Variants in CAMTA1 observed in about 807,000 individuals in gnomAD.
CAMTA1 encodes the protein calmodulin binding transcription activator 1.
CAMTA1 carries 27 observed loss-of-function variants against 170.9 expected under a neutral mutation model. That is an observed-to-expected ratio of 0.16 (90% CI 0.12 to 0.22). The LOEUF (loss-of-function observed/expected upper bound fraction) is 0.22, where lower values mean the gene tolerates loss of function less well. Among genes scored for constraint, CAMTA1 ranks in the 10% least tolerant of loss-of-function variants. The pLI is 1.00. For missense variants in CAMTA1, 1,619 were observed against 2,217.2 expected (o/e 0.73, Z 5.42); for synonymous variants, 833 against 891.5 (o/e 0.93, Z 1.17).
chr1:6,897,010 G>GC (rs1418466189), intron 3 of CAMTA1, among the ~76,000 whole-genome samples: 1 of 152,158 alleles, frequency 6.6e-6, no homozygotes, highest in Non-Finnish European at 1.5e-5. Context: ...TAGAGATAAA[G>GC]CCATGGAGCT....
intron 11 of CAMTA1, among the ~76,000 whole-genome samples, chr1:7,688,062 A>G (rs933521247): frequency 7.7e-6 from 1 of 129,642 alleles, no homozygotes; most frequent in Admixed American, 8.9e-5. Context: ...AGGCTAGAGT[A>G]TAGTGGCTCC....
At chr1:7,368,011 G>A (rs978742435) in intron 5 of CAMTA1, among the ~76,000 whole-genome samples, 1 of 151,330 alleles carries the variant, frequency 6.6e-6, no homozygotes. Context: ...CAGGCCCTGG[G>A]CACTCATGGT....
chr1:7,170,631 A>G (rs1056243827), intron 4 of CAMTA1, among the ~76,000 whole-genome samples: 3 of 152,202 alleles, frequency 2.0e-5, no homozygotes, highest in Admixed American at 1.3e-4. Context: ...ATGTCCCTGG[A>G]AAGGACATGA....
At chr1:7,596,793 A>C (rs2095403570) in intron 6 of CAMTA1, among the ~76,000 whole-genome samples, 1 of 152,238 alleles carries the variant, frequency 6.6e-6, no homozygotes, top group Non-Finnish European at 1.5e-5. Flanking sequence ...AGTGAGGGGC[A>C]GTGAGCCACT....
At chr1:7,599,323 T>G (rs994382201) in intron 6 of CAMTA1, among the ~76,000 whole-genome samples, 1 of 152,240 alleles carries the variant, frequency 6.6e-6, no homozygotes, top group Non-Finnish European at 1.5e-5. Context: ...ACCAGTACCA[T>G]GCTGTTTTGG....
intron 3 of CAMTA1, among the ~76,000 whole-genome samples, chr1:7,057,362 T>A (rs1388469010): frequency 2.0e-5 from 3 of 152,188 alleles, no homozygotes; most frequent in Non-Finnish European, 4.4e-5. Context: ...ACAGGGTTTT[T>A]AAAAAATCAA....
intron 4 of CAMTA1, among the ~76,000 whole-genome samples, chr1:7,200,752 T>A (rs903694199): frequency 6.6e-6 from 1 of 152,184 alleles, no homozygotes; most frequent in Non-Finnish European, 1.5e-5. Context: ...ATTGCTTGAT[T>A]AAGGTGGTTG....
In CAMTA1 at chr1:7,429,679, G is replaced by A. The variant is rs141927942; in HGVS notation, c.439-38151G>A. Among the ~76,000 whole-genome samples the A allele has an allele frequency of 1.3e-4, 20 of 152,290 alleles. No homozygotes were observed. In the East Asian group the frequency reaches 3.9e-3, roughly 29 times the overall value. On this transcript the variant is annotated intron_variant, in intron 5 of 22. Coordinates refer to ENST00000303635, the MANE Select transcript of CAMTA1 (RefSeq NM_015215.4). ...TGATAATATGGATGATGATGAAAGT[G>A]ATGATGGTATGTTAGTTCTCACATT...
chr1:6,946,368 G>T (rs1390237284), intron 3 of CAMTA1, among the ~76,000 whole-genome samples: 4 of 151,952 alleles, frequency 2.6e-5, no homozygotes, highest in East Asian at 1.9e-4. Flanking sequence ...ATTTTTAAAA[G>T]ATTTTTTTAG....
intron 11 of CAMTA1, among the ~76,000 whole-genome samples, chr1:7,709,764 T>C (rs980843179): frequency 6.6e-6 from 1 of 152,238 alleles, no homozygotes; most frequent in African/African-American, 2.4e-5. Context: ...TTATGTAAAT[T>C]ACCTTGTATC....
At chr1:6,826,564 T>C (rs1438497788) in intron 3 of CAMTA1, among the ~76,000 whole-genome samples, 1 of 152,212 alleles carries the variant, frequency 6.6e-6, no homozygotes, top group Non-Finnish European at 1.5e-5. Flanking sequence ...AAAAACTCAG[T>C]GTATTTCTTA....
intron 3 of CAMTA1, among the ~76,000 whole-genome samples, chr1:6,856,082 G>C (rs1011176911): frequency 6.6e-6 from 1 of 152,170 alleles, no homozygotes; most frequent in African/African-American, 2.4e-5. Context: ...TGGGATGCTG[G>C]GGGGAGCTGC....
intron 6 of CAMTA1, among the ~76,000 whole-genome samples, chr1:7,594,949 T>C (rs1351244849): frequency 6.6e-6 from 1 of 152,136 alleles, no homozygotes. Context: ...AGTTGGAATG[T>C]GATTCAGGAA....
intron 4 of CAMTA1, among the ~76,000 whole-genome samples, chr1:7,097,137 C>G (rs2148197848): frequency 6.6e-6 from 1 of 152,348 alleles, no homozygotes; most frequent in South Asian, 2.1e-4. Context: ...CCTTCCTGCT[C>G]CCGTAGCTGC....
chr1:6,786,275 G>A (rs1354589546), intron 1 of CAMTA1, among the ~76,000 whole-genome samples: 1 of 151,722 alleles, frequency 6.6e-6, no homozygotes, highest in Non-Finnish European at 1.5e-5. Flanking sequence ...AAGGGAAGGG[G>A]GCCTGCGCAG....
chr1:6,928,270 G>T (rs1318781668), intron 3 of CAMTA1, among the ~76,000 whole-genome samples: 1 of 152,204 alleles, frequency 6.6e-6, no homozygotes, highest in East Asian at 1.9e-4. Context: ...TCCCTTTGTT[G>T]TTTTGGTGCG....
chr1:7,765,896 G>A (rs942913592), intron 22 of CAMTA1, among the ~76,000 whole-genome samples: 9 of 151,846 alleles, frequency 5.9e-5, no homozygotes, highest in South Asian at 2.1e-4. Context: ...GTGTGGTGGC[G>A]GGCGCCTGTA....
chr1:7,743,848 A>T (rs2096836379), intron 16 of CAMTA1, among the ~76,000 whole-genome samples: 4 of 145,404 alleles, frequency 2.8e-5, no homozygotes, highest in African/African-American at 2.5e-5. Context: ...TTTTTCTGAG[A>T]CGGAGTCTTA....
At chr1:7,684,491 C>A (rs1483568426) in intron 11 of CAMTA1, among the ~76,000 whole-genome samples, 1 of 152,170 alleles carries the variant, frequency 6.6e-6, no homozygotes, top group African/African-American at 2.4e-5. Context: ...ACCAAAGGCG[C>A]TAGGGAGGGA....
Sources: gnomAD v4.1 joint callset for allele counts (sites outside exome capture counted in the v4.1 genomes callset) on GRCh38, gnomAD v4.1.1 for gene constraint, MANE v1.5 for transcripts, NCBI Gene and HGNC (gene_info 2026-07-23, HGNC 2026-07-21) for gene names.